Variants in TP73 observed in about 807,000 individuals in gnomAD.
The protein encoded by TP73 is p53-like transcription factor.
TP73 carries 25 observed loss-of-function variants against 62.5 expected under a neutral mutation model. That is an observed-to-expected ratio of 0.40 (90% CI 0.29 to 0.56). The LOEUF (loss-of-function observed/expected upper bound fraction) is 0.56, where lower values mean the gene tolerates loss of function less well. Ranked by LOEUF, TP73 falls within the 20% of genes least tolerant of loss-of-function variation. The pLI is 0.46. For synonymous variants in TP73, 423 were observed against 377.5 expected (o/e 1.12, Z -1.40); for missense variants, 754 against 913.3 (o/e 0.83, Z 2.25).
chr1:3,706,447 G>A (rs527667181), intron 3 of TP73, among the ~76,000 whole-genome samples: 7 of 118,992 alleles, frequency 5.9e-5, no homozygotes, highest in African/African-American at 2.0e-4. Flanking sequence ...GACAATCACG[G>A]TGCCCGCCGC....
At chr1:3,673,299 G>A (rs981873670) in intron 1 of TP73, among the ~76,000 whole-genome samples, 12 of 152,144 alleles carry the variant, frequency 7.9e-5, no homozygotes, top group South Asian at 4.1e-4. Context: ...TTCCGCCCCC[G>A]TGTGTGCAGT....
intron 6 of TP73, among the ~76,000 whole-genome samples, chr1:3,726,841 GTGGATGGATGGGGTTGGTGGATGGA>G (rs1641675043): frequency 6.7e-6 from 1 of 148,604 alleles, no homozygotes; most frequent in South Asian, 2.1e-4. Context: ...AGATGGGTGG[GTGGATGGATGGGGTTGGTGGATGGA>G]TGGATGGATG....
rs539158312 is a variant in TP73, at chr1:3,724,675, T to A, written c.732+1206T>A. 5.3e-5 allele frequency among the ~76,000 whole-genome samples: 8 copies of A among 152,298 alleles called. No homozygotes were observed. The East Asian group carries it at 1.2e-3, about 22-fold the overall frequency. ...ATAGCTTTTGTATTTGTCCCCAGGGTGACATGAAAACTGCCCACATTGTGG... is the reference window on the plus strand; with the variant it reads ...ATAGCTTTTGTATTTGTCCCCAGGGAGACATGAAAACTGCCCACATTGTGG... On this transcript the variant is annotated intron_variant, in intron 6 of 13. Coordinates refer to ENST00000378295, the MANE Select transcript of TP73 (RefSeq NM_005427.4).
At position 3,701,881 on chromosome 1, in the gene TP73, G is replaced by T. The variant is rs1639200129; in HGVS notation, c.187-5668G>T. On this transcript the variant is annotated intron_variant, in intron 3 of 13. Coordinates refer to ENST00000378295, the MANE Select transcript of TP73 (RefSeq NM_005427.4). This position sits in a 1 kb window ranked among gnomAD's most constrained non-coding sequence, Gnocchi z 4.7. ...CTAGGGAGGTGGAGCGATGGGCCAG[G>T]TTACACAGGTGGAGCTGAGACTTGG... Among the ~76,000 whole-genome samples, 1 of 152,194 alleles carries T rather than the reference G, an allele frequency of 6.6e-6. No individual in the cohort carries two copies. Among genetic ancestry groups the T allele is most frequent in the African/African-American group, 2.4e-5 (1 of 41,444 alleles).
chr1:3,708,090 T>C (rs1243978325), intron 4 of TP73: 3 of 486,352 alleles, frequency 6.2e-6, no homozygotes, highest in Non-Finnish European at 1.1e-5. Flanking sequence ...GGCTTCCCCA[T>C]GCTCAGGTGG....
At chr1:3,724,730 G>T (rs1008338435) in intron 6 of TP73, among the ~76,000 whole-genome samples, 1 of 152,250 alleles carries the variant, frequency 6.6e-6, no homozygotes, top group South Asian at 2.1e-4. Flanking sequence ...CAACGGTTTT[G>T]GTTCATGGCT....
chr1:3,722,442 C>A (rs1003498814), intron 5 of TP73, among the ~76,000 whole-genome samples: 1 of 152,234 alleles, frequency 6.6e-6, no homozygotes, highest in Non-Finnish European at 1.5e-5. Context: ...TGAGGGGCAG[C>A]GGCCTTCTGG....
chr1:3,702,323 C>T (rs1309568193), intron 3 of TP73, among the ~76,000 whole-genome samples: 1 of 152,162 alleles, frequency 6.6e-6, no homozygotes, highest in Non-Finnish European at 1.5e-5. Context: ...AGTCTCTGAC[C>T]CCTCATTTTG....
rs74050403 is a variant in TP73, at chr1:3,654,376, G to T, written c.-34+1735G>T. The stretch of plus-strand genomic sequence containing the variant: ...GTGAAAGCTACAGCGAACAGTAGCT[G>T]TCTCCAAATCCCGAAGGCCAGTCGC... On this transcript the variant is annotated intron_variant, in intron 1 of 13. Coordinates refer to ENST00000378295, the MANE Select transcript of TP73 (RefSeq NM_005427.4). Among the ~76,000 whole-genome samples, 639 of 152,260 alleles carry T rather than the reference G, an allele frequency of 4.2e-3. 7 individuals carry two copies. Among genetic ancestry groups the T allele is most frequent in the African/African-American group, 0.015 (605 of 41,542 alleles).
In TP73 at chr1:3,733,179, C is replaced by A; in HGVS notation, c.*100C>A. 1 of 1,336,598 alleles carries A rather than the reference C, an allele frequency of 7.5e-7. No homozygotes were observed. Among genetic ancestry groups the A allele is most frequent in the Non-Finnish European group, 1.0e-6 (1 of 1,001,576 alleles). The allele number at this position is 1,336,598 out of a possible 1,614,324, so 82.8% of individuals were successfully genotyped here. A position where few individuals can be genotyped will look rare whatever the true frequency, so the allele number is the denominator to read the frequency against. ...AAACTGCCTCAGGAGGCAGGACCTT[C>A]GGGCTGTGCCCGGGGAAAGGCAAGG... On this transcript the variant is annotated 3_prime_UTR_variant, in exon 14 of 14. Coordinates refer to ENST00000378295, the MANE Select transcript of TP73 (RefSeq NM_005427.4).
chr1:3,676,955 G>T (rs372131713), intron 1 of TP73, among the ~76,000 whole-genome samples: 42 of 151,516 alleles, frequency 2.8e-4, no homozygotes, highest in East Asian at 1.9e-3. Context: ...TGACCCCGTG[G>T]AAAATGTCCC....
In TP73 at chr1:3,689,978, C is replaced by A. The variant is rs546756817; in HGVS notation, c.186+6798C>A. On this transcript the variant is annotated intron_variant, in intron 3 of 13. Transcript: ENST00000378295. ...GGGAGTGGCAGTCACCTCAAAGGCC[C>A]CACTAGACGGGTGCGGGGCACCACT... 3.8e-4 allele frequency among the ~76,000 whole-genome samples: 58 copies of A among 152,316 alleles called. No homozygotes were observed. In the South Asian group the frequency reaches 6.6e-3, roughly 17 times the overall value.
rs202005425 is a variant in TP73 at position 3,728,142 on chromosome 1, C to T, written c.999C>T (p.Ser333=). The T allele has an allele frequency of 3.1e-6, 5 of 1,610,760 alleles. No individual in the cohort carries two copies. The highest frequency in any genetic ancestry group is 1.1e-5 in the South Asian group (1 of 91,038). Residue 333 remains serine (S), a synonymous_variant, in exon 9 of 14, where the codon AGC becomes AGT. Coordinates refer to ENST00000378295, the MANE Select transcript of TP73 (RefSeq NM_005427.4). ...CTGGCCTTCCAGCCTTCAAGCAGAG[C>T]CCCCCTGCCGTCCCCGCCCTTGGTG... is the stretch of plus-strand genomic sequence containing the variant. ...GAASKRAFKQ[S]PPAVPALGAG... is the part of the protein sequence containing the mutation.
Position 3,733,180 on chromosome 1 carries a change from G to C in TP73, c.*101G>C. The C allele has an allele frequency of 1.5e-6, 2 of 1,338,116 alleles. No homozygotes were observed. Among genetic ancestry groups the C allele is most frequent in the Non-Finnish European group, 2.0e-6 (2 of 1,003,122 alleles). The allele number at this position is 1,338,116 out of a possible 1,614,324, so 82.9% of individuals were successfully genotyped here. On this transcript the variant is annotated 3_prime_UTR_variant, in exon 14 of 14. Transcript: ENST00000378295. ...AACTGCCTCAGGAGGCAGGACCTTCGGGCTGTGCCCGGGGAAAGGCAAGGT... is the reference window on the plus strand; with the variant it reads ...AACTGCCTCAGGAGGCAGGACCTTCCGGCTGTGCCCGGGGAAAGGCAAGGT...
chr1:3,675,885 G>A (rs1557497830), intron 1 of TP73, among the ~76,000 whole-genome samples: 1 of 152,204 alleles, frequency 6.6e-6, no homozygotes, highest in African/African-American at 2.4e-5. Context: ...CCCACCTCCT[G>A]TCAGGTGGTG....
In TP73 at chr1:3,696,849, C is replaced by T. The variant is rs1209786396; in HGVS notation, c.187-10700C>T. 6.6e-6 allele frequency among the ~76,000 whole-genome samples: 1 copy of T among 152,152 alleles called. No homozygotes were observed. Among genetic ancestry groups the T allele is most frequent in the Non-Finnish European group, 1.5e-5 (1 of 68,004 alleles). ...GATCCAGGGATCAGAGGAGCCACCC[C>T]ACTCACCCGCCTGCTGTGCCTAGTG... On this transcript the variant is annotated intron_variant, in intron 3 of 13. Coordinates refer to ENST00000378295, the MANE Select transcript of TP73 (RefSeq NM_005427.4). The surrounding 1 kb of genome is among the most constrained non-coding windows in gnomAD (Gnocchi z 4.1).
At position 3,728,158 on chromosome 1, in the gene TP73, G is replaced by A. The variant is rs773998634; in HGVS notation, c.1015G>A (p.Ala339Thr). The change falls in exon 9 of 14, where the codon GCC (alanine) becomes ACC (threonine). Residue 339 changes from alanine to threonine, a missense_variant. Around this residue, in one of 3 missense-constraint regions of TP73, gnomAD observed 458 missense variants for 528.7 expected, o/e 0.87. Coordinates refer to ENST00000378295, the MANE Select transcript of TP73 (RefSeq NM_005427.4). ...CAAGCAGAGCCCCCCTGCCGTCCCC[G>A]CCCTTGGTGCCGGTGTGAAGAAGCG... ...AFKQSPPAVP[A>T]LGAGVKKRRH... 29 of 1,611,566 alleles carry A rather than the reference G, an allele frequency of 1.8e-5. No individual in the cohort carries two copies. The highest frequency in any genetic ancestry group is 1.7e-4 in the Admixed American group (10 of 59,992).
rs916620387 is a variant in TP73 at position 3,687,517 on chromosome 1, G to A, written c.186+4337G>A. ...CAGTGCTGGGCCTGGGCTTGGAAGCGAATCCCTGCCCCTCTGAGCGCTAGC... is the reference window on the plus strand; with the variant it reads ...CAGTGCTGGGCCTGGGCTTGGAAGCAAATCCCTGCCCCTCTGAGCGCTAGC... On this transcript the variant is annotated intron_variant, in intron 3 of 13. Coordinates refer to ENST00000378295, the MANE Select transcript of TP73 (RefSeq NM_005427.4). 8.5e-5 allele frequency among the ~76,000 whole-genome samples: 13 copies of A among 152,218 alleles called. 1 individual carries two copies. Among genetic ancestry groups the A allele is most frequent in the Admixed American group, 3.3e-4 (5 of 15,290 alleles).
At chr1:3,722,266 C>A in intron 5 of TP73, 59 bp downstream of exon 5, 1 of 1,579,816 alleles carries the variant, frequency 6.3e-7, no homozygotes, top group South Asian at 1.1e-5. Flanking sequence ...CCGGACAGCA[C>A]AGCCGGGGGC....
Sources: allele counts gnomAD v4.1 joint callset (sites outside exome capture counted in the v4.1 genomes callset), GRCh38; gene constraint gnomAD v4.1.1; regional missense constraint gnomAD v4.1.1; non-coding constraint Gnocchi (gnomAD v3.1); transcripts MANE v1.5; gene names NCBI Gene and HGNC (gene_info 2026-07-23, HGNC 2026-07-21).